The following DNAI4 variants were observed in gnomAD, a reference collection of about 807,000 sequenced individuals.
The protein encoded by DNAI4 is WD repeat domain 78.
In DNAI4, 85 loss-of-function variants were observed where a neutral mutation model predicts 105.8. That is an observed-to-expected ratio of 0.80 (90% CI 0.67 to 0.96). The LOEUF (loss-of-function observed/expected upper bound fraction) is 0.96, where lower values mean the gene tolerates loss of function less well. DNAI4 is among the 40% of genes least tolerant of loss of function. DNAI4 has a pLI of 0.00. For missense variants in DNAI4, 1,014 were observed against 1,005.6 expected, an observed-to-expected ratio of 1.01 and a Z score of -0.11; for synonymous variants, 352 against 331.5, an observed-to-expected ratio of 1.06 and a Z score of -0.67.
In DNAI4 at chr1:66,874,876, A is replaced by G. The variant is rs1227881744; in HGVS notation, c.705T>C (p.Asn235=). The G allele has an allele frequency of 6.2e-7, 1 of 1,613,420 alleles. No homozygotes were observed. Among genetic ancestry groups the G allele is most frequent in the African/African-American group, 1.3e-5 (1 of 74,906 alleles). The change falls in exon 5 of 17, where the codon AAT becomes AAC. Residue 235 remains asparagine (N), a synonymous_variant. Transcript: ENST00000371026. ...CTGTCTCTGTGAGTATTATCTCTAT[A>G]TTCTTCTCCAGGTCTTCTTTTGTTA... is the stretch of plus-strand genomic sequence containing the variant. ...KIVTKEDLEK[N]IEIILTETET...
chr1:66,846,592 C>G (rs1418555158), intron 8 of DNAI4, among the ~76,000 whole-genome samples: 2 of 152,160 alleles, frequency 1.3e-5, no homozygotes, highest in Admixed American at 6.5e-5. Flanking sequence ...TATGATAATA[C>G]AAAGTAATCT....
At chr1:66,837,397 AGG>A in intron 10 of DNAI4, among the ~76,000 whole-genome samples, 1 of 151,536 alleles carries the variant, frequency 6.6e-6, no homozygotes, top group Non-Finnish European at 1.5e-5. Context: ...TAATTTTCAA[AGG>A]ATTTTCATTT....
At chr1:66,820,567 TATAA>T (rs1645604432) in intron 16 of DNAI4, among the ~76,000 whole-genome samples, 1 of 151,962 alleles carries the variant, frequency 6.6e-6, no homozygotes, top group African/African-American at 2.4e-5. Flanking sequence ...TAAATTTATA[TATAA>T]ATAAATATAA....
In DNAI4 at chr1:66,871,488, T is replaced by C; in HGVS notation, c.822A>G (p.Glu274=). 6.3e-7 allele frequency: 1 copy of C among 1,591,952 alleles called. No homozygotes were observed. The highest frequency in any genetic ancestry group is 8.5e-7 in the Non-Finnish European group (1 of 1,172,046). The part of the protein sequence containing the change: ...EKVTQRNKNY[E]VLCRNRLGND... ...TGCCTAATCTGTTTCTACAAAGGAC[T>C]TCATAATTCTTGTTTCTCTGACTGT... The change falls in exon 6 of 17, where the codon GAA becomes GAG. Residue 274 remains glutamate (E), a synonymous_variant. Transcript: ENST00000371026.
intron 1 of DNAI4, among the ~76,000 whole-genome samples, chr1:66,922,950 A>G (rs1340739987): frequency 6.6e-6 from 1 of 152,202 alleles, no homozygotes; most frequent in Admixed American, 6.5e-5. Context: ...CATCAGAGTG[A>G]AGAGGTTTAT....
At chr1:66,917,663 ACTC>A (rs1351277839) in intron 1 of DNAI4, among the ~76,000 whole-genome samples, 19 of 152,274 alleles carry the variant, frequency 1.2e-4, no homozygotes, top group African/African-American at 4.1e-4. Context: ...AGTTTAGTAT[ACTC>A]CTATGAACAA....
rs1161618488 is a variant in DNAI4, at chr1:66,813,391, CCT to C, written c.*737_*738del. On this transcript the variant is annotated 3_prime_UTR_variant, in exon 17 of 17. Transcript: ENST00000371026. Reference sequence around the variant, plus strand: ...TCTAGAACTCTTCATAAAATAACATCCTGATGTGGCCTATAGATCAGAGACTT... The same window carrying C: ...TCTAGAACTCTTCATAAAATAACATCGATGTGGCCTATAGATCAGAGACTT... The C allele has an allele frequency of 2.0e-5, 3 of 152,252 alleles. No homozygotes were observed. Among genetic ancestry groups the C allele is most frequent in the Non-Finnish European group, 4.4e-5 (3 of 68,024 alleles). The allele number at this position is 152,252 out of a possible 1,614,324, so 9.4% of individuals were successfully genotyped here. A position where few individuals can be genotyped will look rare whatever the true frequency, so the allele number is the denominator to read the frequency against.
intron 7 of DNAI4, among the ~76,000 whole-genome samples, chr1:66,852,056 A>T (rs1452500242): frequency 2.6e-5 from 4 of 151,964 alleles, no homozygotes; most frequent in African/African-American, 4.8e-5. Flanking sequence ...TATCAAAATC[A>T]GGAGTAAAAT....
At chr1:66,840,862 T>C (rs1157269263) in intron 8 of DNAI4, among the ~76,000 whole-genome samples, 191 bp from the exon 9 acceptor site, 1 of 152,150 alleles carries the variant, frequency 6.6e-6, no homozygotes, top group African/African-American at 2.4e-5. Flanking sequence ...TGTTCTGGGT[T>C]CCAACTCAAA....
chr1:66,857,893 C>A (rs1351650428), intron 7 of DNAI4, among the ~76,000 whole-genome samples: 5 of 151,930 alleles, frequency 3.3e-5, no homozygotes, highest in Admixed American at 2.6e-4. Context: ...GCCTTCTGCC[C>A]ACAAAATGTA....
chr1:66,872,730 T>G (rs1229625061), intron 5 of DNAI4, among the ~76,000 whole-genome samples: 1 of 152,076 alleles, frequency 6.6e-6, no homozygotes, highest in African/African-American at 2.4e-5. Context: ...TTTATTTATT[T>G]ATACATAATA....
chr1:66,912,567 G>T (rs1649741435), intron 1 of DNAI4, among the ~76,000 whole-genome samples: 1 of 152,102 alleles, frequency 6.6e-6, no homozygotes, highest in Non-Finnish European at 1.5e-5. Flanking sequence ...CACCTTTCTG[G>T]ATGGAACCAA....
Position 66,912,142 on chromosome 1 carries a change from T to C in DNAI4, c.171-6767A>G, listed in dbSNP as rs1649703389. On this transcript the variant is annotated intron_variant, in intron 1 of 16. Coordinates refer to ENST00000371026, the MANE Select transcript of DNAI4 (RefSeq NM_024763.5). ...GGCATAAGCCAGCGTTCCCAGCTGA[T>C]AGATGCATTTTCTGATTGCCTCCTT... is the stretch of plus-strand genomic sequence containing the variant. Among the ~76,000 whole-genome samples the C allele has an allele frequency of 5.3e-5, 8 of 152,304 alleles. No homozygotes were observed. In the South Asian group the frequency reaches 1.7e-3, roughly 32 times the overall value.
chr1:66,858,995 G>T (rs1646565573), intron 7 of DNAI4, among the ~76,000 whole-genome samples: 1 of 151,948 alleles, frequency 6.6e-6, no homozygotes, highest in African/African-American at 2.4e-5. Flanking sequence ...TGATAAATTA[G>T]ACTTTATTTA....
rs141797919 is a variant in DNAI4 at position 66,878,453 on chromosome 1, T to C, written c.644-3516A>G. On this transcript the variant is annotated intron_variant, in intron 4 of 16. Transcript: ENST00000371026. ...CAGGCATTTCTTCAAAGAGCCCTAG[T>C]TGCTTTTATTAGAGAATGGAATTAG... Among the ~76,000 whole-genome samples the C allele has an allele frequency of 7.2e-3, 1,092 of 152,284 alleles. 14 individuals are homozygous for C. Among genetic ancestry groups the C allele is most frequent in the African/African-American group, 0.023 (958 of 41,568 alleles).
chr1:66,915,435 G>A (rs957311713), intron 1 of DNAI4, among the ~76,000 whole-genome samples: 2 of 152,124 alleles, frequency 1.3e-5, no homozygotes, highest in African/African-American at 4.8e-5. Flanking sequence ...TTTTGCAATG[G>A]CGGTTTCATA....
intron 10 of DNAI4, 45 bp from the exon 11 acceptor site, chr1:66,835,822 C>G: frequency 6.4e-7 from 1 of 1,561,416 alleles, no homozygotes; most frequent in Non-Finnish European, 8.8e-7. Context: ...TTGTAGACCA[C>G]AGTAAGGCAG....
chr1:66,825,506 T>C (rs1645734648), intron 15 of DNAI4, among the ~76,000 whole-genome samples: 1 of 152,228 alleles, frequency 6.6e-6, no homozygotes, highest in Non-Finnish European at 1.5e-5. Flanking sequence ...AACAGAATAA[T>C]GTTTTTATCC....
At chr1:66,849,273 T>G (rs1436358874) in intron 7 of DNAI4, among the ~76,000 whole-genome samples, 2 of 151,040 alleles carry the variant, frequency 1.3e-5, no homozygotes, top group Non-Finnish European at 2.9e-5. Context: ...CTAGCCATGG[T>G]GTTGTCAATG....
Sources: allele counts gnomAD v4.1 joint callset (sites outside exome capture counted in the v4.1 genomes callset), GRCh38; gene constraint gnomAD v4.1.1; transcripts MANE v1.5; gene names NCBI Gene and HGNC (gene_info 2026-07-23, HGNC 2026-07-21).